Variants in METTL15 observed in about 807,000 individuals in gnomAD.
METTL15 encodes 12S rRNA N(4)-cytidine methyltransferase METTL15.
In METTL15, 34 loss-of-function variants were observed where a neutral mutation model predicts 38.3. The ratio of observed to expected loss-of-function variants is 0.89; its 90% CI spans 0.68 to 1.18. The LOEUF is 1.18. METTL15 is among the 50% of genes most tolerant of loss of function. METTL15 has a pLI of 0.00. For synonymous variants in METTL15, 162 were observed against 170.9 expected (o/e 0.95, Z 0.41); for missense variants, 438 against 498.4 (o/e 0.88, Z 1.15).
In METTL15 at chr11:28,485,631, A is replaced by G. The variant is rs532980217; in HGVS notation, c.*425-40847A>G. 1.2e-4 allele frequency among the ~76,000 whole-genome samples: 19 copies of G among 152,272 alleles called. 1 individual carries two copies. In the South Asian group the frequency reaches 3.7e-3, roughly 30 times the overall value. On this transcript the variant is annotated intron_variant and NMD_transcript_variant, in intron 6 of 7. Coordinates refer to the METTL15 transcript ENST00000532947. ...TGGGGAGGAGAGAGTAGAGAGTAGA[A>G]AAGATAAAACGTTATTGAGAACTTA... is the stretch of plus-strand genomic sequence containing the variant.
chr11:28,142,947 T>C (rs1199197701), intron 3 of METTL15, among the ~76,000 whole-genome samples: 1 of 151,660 alleles, frequency 6.6e-6, no homozygotes, highest in Non-Finnish European at 1.5e-5. Context: ...TTAGATAGAG[T>C]GGTAACAGTT....
intron 4 of METTL15, among the ~76,000 whole-genome samples, chr11:28,253,006 C>A (rs1854811519): frequency 6.6e-6 from 1 of 152,122 alleles, no homozygotes; most frequent in African/African-American, 2.4e-5. Flanking sequence ...CTCTAACAGA[C>A]TTCTAATTTT....
chr11:28,464,154 A>T (rs922286588), intron 6 of METTL15, among the ~76,000 whole-genome samples: 2 of 152,218 alleles, frequency 1.3e-5, no homozygotes, highest in Non-Finnish European at 2.9e-5. Context: ...AGATGCAGAA[A>T]GCCTTAGTTC....
intron 5 of METTL15, among the ~76,000 whole-genome samples, chr11:28,420,439 A>T (rs77846426): frequency 0.069 from 10,463 of 152,224 alleles, 517 homozygotes; most frequent in Non-Finnish European, 0.11. Flanking sequence ...TAACAAATGG[A>T]TCATTCTCAA....
intron 6 of METTL15, among the ~76,000 whole-genome samples, chr11:28,313,071 T>C (rs924900264): frequency 1.3e-5 from 2 of 152,122 alleles, no homozygotes; most frequent in African/African-American, 2.4e-5. Context: ...AAAAATAAGT[T>C]AGTTTTGGAG....
chr11:28,514,600 C>A (rs905644567), intron 6 of METTL15, among the ~76,000 whole-genome samples: 1 of 152,212 alleles, frequency 6.6e-6, no homozygotes, highest in Non-Finnish European at 1.5e-5. Flanking sequence ...CCCGCACTTA[C>A]AATCCTTTAG....
chr11:28,468,489 A>G (rs774726899), intron 6 of METTL15, among the ~76,000 whole-genome samples: 2 of 152,164 alleles, frequency 1.3e-5, no homozygotes, highest in African/African-American at 2.4e-5. Context: ...TTGATATAAT[A>G]TTGTTTTAGT....
chr11:28,363,216 C>T (rs574554976), intron 5 of METTL15, among the ~76,000 whole-genome samples: 47 of 152,210 alleles, frequency 3.1e-4, no homozygotes, highest in African/African-American at 1.1e-3. Flanking sequence ...CCCTATCACA[C>T]AGGCTGGAGT....
chr11:28,394,314 G>A (rs1023801028), intron 5 of METTL15, among the ~76,000 whole-genome samples: 1 of 152,118 alleles, frequency 6.6e-6, no homozygotes, highest in African/African-American at 2.4e-5. Flanking sequence ...AGAAGGAGCA[G>A]GAAGAGTTAG....
intron 4 of METTL15, among the ~76,000 whole-genome samples, chr11:28,273,925 C>T (rs1239079563): frequency 6.6e-6 from 1 of 151,904 alleles, no homozygotes; most frequent in Non-Finnish European, 1.5e-5. Context: ...CACCAATCAC[C>T]CTTTTGCAAA....
intron 3 of METTL15, among the ~76,000 whole-genome samples, chr11:28,346,174 G>GT (rs1849993992): frequency 2.0e-5 from 3 of 152,018 alleles, no homozygotes; most frequent in Non-Finnish European, 2.9e-5. Flanking sequence ...TTAAGCACCA[G>GT]TTTTTTACCC....
chr11:28,236,121 G>T (rs1202305093), intron 4 of METTL15, among the ~76,000 whole-genome samples: 1 of 151,936 alleles, frequency 6.6e-6, no homozygotes, highest in African/African-American at 2.4e-5. Flanking sequence ...ATTGATTTGC[G>T]TATATTGAAC....
chr11:28,198,531 A>C (rs1344828766), intron 3 of METTL15, among the ~76,000 whole-genome samples: 1 of 152,164 alleles, frequency 6.6e-6, no homozygotes, highest in African/African-American at 2.4e-5. Flanking sequence ...ACTTCTGATA[A>C]AATGGGAAGA....
intron 5 of METTL15, among the ~76,000 whole-genome samples, chr11:28,365,843 A>G (rs1249319312): frequency 6.6e-6 from 1 of 152,156 alleles, no homozygotes; most frequent in African/African-American, 2.4e-5. Context: ...TGAGGCCAGG[A>G]GAGTGAGACC....
intron 3 of METTL15, among the ~76,000 whole-genome samples, chr11:28,163,176 C>T (rs908781385): frequency 2.0e-4 from 30 of 151,944 alleles, no homozygotes; most frequent in South Asian, 2.1e-4. Flanking sequence ...ATTTGTAATA[C>T]GTAGTCAAGA....
chr11:28,499,330 G>A (rs950061451), intron 6 of METTL15, among the ~76,000 whole-genome samples: 3 of 152,096 alleles, frequency 2.0e-5, no homozygotes, highest in Non-Finnish European at 4.4e-5. Context: ...TACAATAATT[G>A]TCATTATAAC....
chr11:28,396,194 T>G (rs1292895689), intron 5 of METTL15, among the ~76,000 whole-genome samples: 2 of 152,204 alleles, frequency 1.3e-5, no homozygotes, highest in Admixed American at 1.3e-4. Flanking sequence ...AAGACAGGGA[T>G]GCCCTCTCTC....
intron 5 of METTL15, among the ~76,000 whole-genome samples, chr11:28,378,216 T>G (rs1043092853): frequency 1.3e-5 from 2 of 152,242 alleles, no homozygotes; most frequent in African/African-American, 4.8e-5. Flanking sequence ...TTTGTTTACC[T>G]AAGCAAGCTT....
At chr11:28,501,992 T>A (rs539300967) in intron 6 of METTL15, among the ~76,000 whole-genome samples, 1 of 151,452 alleles carries the variant, frequency 6.6e-6, no homozygotes, top group African/African-American at 2.4e-5. Context: ...TCCCAGCTAC[T>A]CGGGAGGCTG....
Sources: allele counts gnomAD v4.1 joint callset (sites outside exome capture counted in the v4.1 genomes callset), GRCh38; gene constraint gnomAD v4.1.1; transcripts MANE v1.5; gene names NCBI Gene and HGNC (gene_info 2026-07-23, HGNC 2026-07-21).